Variants in LRGUK observed in about 807,000 individuals in gnomAD.
LRGUK encodes leucine rich repeats and guanylate kinase domain containing.
A neutral mutation model predicts 76.0 loss-of-function variants in LRGUK; 65 were observed. The ratio of observed to expected loss-of-function variants is 0.85; its 90% confidence interval spans 0.70 to 1.05. The LOEUF (loss-of-function observed/expected upper bound fraction) is 1.05, where lower values mean the gene tolerates loss of function less well. Ranked by LOEUF, LRGUK falls within the 50% of genes least tolerant of loss-of-function variation. The pLI, the probability that LRGUK is intolerant of heterozygous loss-of-function variation, is 0.00. For synonymous variants in LRGUK, 268 were observed against 265.6 expected, an observed-to-expected ratio of 1.01 and a Z score of -0.09; for missense variants, 758 against 732.8, an observed-to-expected ratio of 1.03 and a Z score of -0.40.
rs180880626 is a variant in LRGUK at position 134,196,286 on chromosome 7, T to G, written c.1432-706T>G. Among the ~76,000 whole-genome samples the G allele has an allele frequency of 2.0e-5, 3 of 152,000 alleles. No individual in the cohort carries two copies. In the East Asian group the frequency reaches 5.9e-4, roughly 30 times the overall value. On this transcript the variant is annotated intron_variant, in intron 12 of 15. Transcript: ENST00000645682. ...TCACAGACAATTTTAAGAGACATCT[T>G]TTTACTTGCCCCACCCCTCCTTTTT...
At chr7:134,150,940 G>A (rs1346823772) in intron 5 of LRGUK, among the ~76,000 whole-genome samples, 2 of 152,034 alleles carry the variant, frequency 1.3e-5, no homozygotes, top group Non-Finnish European at 2.9e-5. Flanking sequence ...TAATTAGAGT[G>A]TAACATGGCA....
chr7:134,272,965 G>C, the LRGUK span, among the ~76,000 whole-genome samples: 4 of 152,154 alleles, frequency 2.6e-5, no homozygotes, highest in Non-Finnish European at 5.9e-5. Flanking sequence ...GGGTTGTGGG[G>C]TTTCAAGGCA....
intron 16 of LRGUK, among the ~76,000 whole-genome samples, chr7:134,223,454 A>G (rs1161051004): frequency 6.6e-6 from 1 of 152,212 alleles, no homozygotes. Flanking sequence ...TGCCCACTAA[A>G]CATCTATAAA....
intron 16 of LRGUK, among the ~76,000 whole-genome samples, chr7:134,241,765 C>T (rs1394442715): frequency 1.3e-5 from 2 of 152,184 alleles, no homozygotes; most frequent in Non-Finnish European, 2.9e-5. Context: ...CTTCTCAGCA[C>T]CACATCACAC....
chr7:134,271,755 C>T, the LRGUK span, among the ~76,000 whole-genome samples: 1 of 151,922 alleles, frequency 6.6e-6, no homozygotes, highest in South Asian at 2.1e-4. Context: ...ATAATTTTCT[C>T]CATAAAGGAC....
At chr7:134,243,252 G>A (rs544025296) in intron 16 of LRGUK, among the ~76,000 whole-genome samples, 106 of 152,268 alleles carry the variant, frequency 7.0e-4, no homozygotes, top group South Asian at 2.1e-4. Context: ...TAGGAAAAGA[G>A]AAAGTCAAAC....
intron 16 of LRGUK, among the ~76,000 whole-genome samples, chr7:134,243,983 A>G (rs1802229420): frequency 6.6e-6 from 1 of 152,232 alleles, no homozygotes; most frequent in Admixed American, 6.5e-5. Flanking sequence ...TGGTGCTGGG[A>G]AAACTGGCTA....
chr7:134,192,929 CT>C (rs1187450051), intron 12 of LRGUK, among the ~76,000 whole-genome samples: 1 of 152,166 alleles, frequency 6.6e-6, no homozygotes, highest in Non-Finnish European at 1.5e-5. Flanking sequence ...CCTCTTTCCC[CT>C]TCTTTTTCCT....
intron 7 of LRGUK, among the ~76,000 whole-genome samples, chr7:134,169,979 A>G (rs1011739886): frequency 1.3e-5 from 2 of 152,144 alleles, no homozygotes; most frequent in Non-Finnish European, 2.9e-5. Context: ...ATGAAGTTAG[A>G]ATACTATATT....
At chr7:134,212,022 CTCTA>C (rs1231821198), downstream of LRGUK, among the ~76,000 whole-genome samples, 1 of 152,162 alleles carries the variant, frequency 6.6e-6, no homozygotes, top group Non-Finnish European at 1.5e-5. Flanking sequence ...CTACAGATGA[CTCTA>C]TCAGTTTCTG....
chr7:134,222,075 G>T (rs565848582), intron 16 of LRGUK, among the ~76,000 whole-genome samples, 157 bp downstream of exon 16: 2 of 152,320 alleles, frequency 1.3e-5, no homozygotes, highest in East Asian at 3.9e-4. Flanking sequence ...ACATCCCTGA[G>T]AATAGACACT....
chr7:134,160,459 C>A (rs540303629), intron 6 of LRGUK, among the ~76,000 whole-genome samples: 6 of 152,052 alleles, frequency 3.9e-5, no homozygotes, highest in Admixed American at 2.0e-4. Context: ...TTAATAAAAT[C>A]TATAAAATTT....
At chr7:134,230,299 G>A (rs768150330) in intron 16 of LRGUK, among the ~76,000 whole-genome samples, 15 of 152,084 alleles carry the variant, frequency 9.9e-5, no homozygotes, top group Middle Eastern at 3.4e-3. Context: ...AAATATAATC[G>A]CAATGAGATA....
intron 18 of LRGUK, among the ~76,000 whole-genome samples, chr7:134,255,747 G>A (rs59971126): frequency 0.027 from 4,110 of 151,136 alleles, 127 homozygotes; most frequent in African/African-American, 0.078. Context: ...TGAGGGGTTC[G>A]CCTACATTTA....
intron 3 of LRGUK, 54 bp downstream of exon 3, chr7:134,139,571 T>C (rs1173317047): frequency 8.7e-7 from 1 of 1,147,736 alleles, no homozygotes; most frequent in Non-Finnish European, 1.3e-6. Flanking sequence ...ACTTAAACGT[T>C]GCAGTATGTA....
At chr7:134,221,896 T>C in exon 16 of LRGUK, 2 of 1,594,308 alleles carry the variant, frequency 1.3e-6, no homozygotes, top group African/African-American at 2.7e-5. Flanking sequence ...TGGGCCAAAC[T>C]TTCAGCCAAA....
rs566359194 is a variant in LRGUK at position 134,258,423 on chromosome 7, C to T, written c.2347+18C>T. 78 of 1,610,238 alleles carry T rather than the reference C, an allele frequency of 4.8e-5. No individual in the cohort carries two copies. The highest frequency in any genetic ancestry group is 1.7e-4 in the Middle Eastern group (1 of 6,014). ...CCGGAAAGGTATGAGTTAGGCCAAG[C>T]GCGGTGGCTCATGCCTGTAATCCCA... On this transcript the variant is annotated intron_variant, in intron 19 of 19. Transcript: ENST00000285928.
At chr7:134,226,389 T>C (rs536459238) in intron 16 of LRGUK, among the ~76,000 whole-genome samples, 1 of 152,284 alleles carries the variant, frequency 6.6e-6, no homozygotes, top group South Asian at 2.1e-4. Context: ...ACCGCCTCTG[T>C]AATCTAATAT....
At chr7:134,188,746 T>C (rs560419816) in intron 11 of LRGUK, among the ~76,000 whole-genome samples, 156 of 152,296 alleles carry the variant, frequency 1.0e-3, no homozygotes, top group African/African-American at 3.6e-3. Flanking sequence ...TACCCATTGA[T>C]AGAGCTCACT....
Sources: gnomAD v4.1 joint callset for allele counts (sites outside exome capture counted in the v4.1 genomes callset) on GRCh38, gnomAD v4.1.1 for gene constraint, MANE v1.5 for transcripts, NCBI Gene and HGNC (gene_info 2026-07-23, HGNC 2026-07-21) for gene names.